ARB2A: variants seen among roughly 807,000 people sequenced by gnomAD.
ARB2A encodes the protein cotranscriptional regulator ARB2A.
the ARB2A span, among the ~76,000 whole-genome samples, chr5:93,747,319 T>C: frequency 1.3e-5 from 2 of 152,150 alleles, no homozygotes; most frequent in Non-Finnish European, 2.9e-5. Context: ...CATCACAAGT[T>C]TGAGGCCTCT....
the ARB2A span, among the ~76,000 whole-genome samples, chr5:94,077,274 G>A: frequency 6.6e-6 from 1 of 151,844 alleles, no homozygotes; most frequent in Non-Finnish European, 1.5e-5. Context: ...TCGGGAGGCT[G>A]AGGCAGGAGA....
the ARB2A span, among the ~76,000 whole-genome samples, chr5:93,831,190 G>C: frequency 6.6e-6 from 1 of 151,312 alleles, no homozygotes; most frequent in African/African-American, 2.4e-5. Flanking sequence ...CCATGGACTG[G>C]TACCCATCTG....
chr5:93,932,505 T>A, the ARB2A span, among the ~76,000 whole-genome samples: 1 of 152,192 alleles, frequency 6.6e-6, no homozygotes, highest in African/African-American at 2.4e-5. Flanking sequence ...CAGAGCTTTA[T>A]CTATAAGTAG....
At chr5:93,849,880 A>G in the ARB2A span, among the ~76,000 whole-genome samples, 1 of 152,194 alleles carries the variant, frequency 6.6e-6, no homozygotes, top group African/African-American at 2.4e-5. Context: ...TTTTCAAGAA[A>G]TCCTAAACCC....
At chr5:93,875,087 G>A in the ARB2A span, among the ~76,000 whole-genome samples, 2 of 152,146 alleles carry the variant, frequency 1.3e-5, no homozygotes, top group African/African-American at 4.8e-5. Context: ...CTCCTGAGTA[G>A]CTGGGACTAT....
chr5:94,093,218 T>C, the ARB2A span, among the ~76,000 whole-genome samples: 1 of 152,182 alleles, frequency 6.6e-6, no homozygotes, highest in East Asian at 1.9e-4. Flanking sequence ...AACCGTGCTC[T>C]ACTAGATCAC....
At chr5:93,992,147 C>T in the ARB2A span, among the ~76,000 whole-genome samples, 1 of 152,000 alleles carries the variant, frequency 6.6e-6, no homozygotes, top group African/African-American at 2.4e-5. Context: ...AATCCCATCA[C>T]CTGGAACTCT....
At chr5:93,730,556 G>A in the ARB2A span, among the ~76,000 whole-genome samples, 1 of 152,058 alleles carries the variant, frequency 6.6e-6, no homozygotes, top group Non-Finnish European at 1.5e-5. Context: ...CTTGGATTTA[G>A]CAATATTATT....
chr5:93,857,284 C>T, the ARB2A span, among the ~76,000 whole-genome samples: 1 of 152,140 alleles, frequency 6.6e-6, no homozygotes, highest in Admixed American at 6.5e-5. Context: ...TCTCAAGTTG[C>T]GTGCTGGGAG....
chr5:93,651,732 A>G, the ARB2A span, among the ~76,000 whole-genome samples: 1 of 152,324 alleles, frequency 6.6e-6, no homozygotes, highest in African/African-American at 2.4e-5. Context: ...TTATAACAAT[A>G]TATTATTTGA....
the ARB2A span, among the ~76,000 whole-genome samples, chr5:93,893,659 A>G: frequency 6.6e-6 from 1 of 152,238 alleles, no homozygotes; most frequent in Non-Finnish European, 1.5e-5. Flanking sequence ...ACTAAAACAA[A>G]GTATGTAATG....
the ARB2A span, among the ~76,000 whole-genome samples, chr5:94,004,786 T>A: frequency 6.6e-6 from 1 of 151,596 alleles, no homozygotes; most frequent in Non-Finnish European, 1.5e-5. Flanking sequence ...AGCAAATCAA[T>A]ATATTACTTG....
chr5:94,072,629 G>A, the ARB2A span, among the ~76,000 whole-genome samples: 1 of 151,942 alleles, frequency 6.6e-6, no homozygotes, highest in Non-Finnish European at 1.5e-5. Flanking sequence ...TAATACATAC[G>A]AACTAAGAGG....
the ARB2A span, among the ~76,000 whole-genome samples, chr5:93,667,525 C>T: frequency 2.5e-4 from 38 of 152,222 alleles, no homozygotes; most frequent in Non-Finnish European, 3.4e-4. Flanking sequence ...GTGTGATCAT[C>T]GTTCACTGCA....
At chr5:93,728,777 ACAGGAAG>A in the ARB2A span, among the ~76,000 whole-genome samples, 1 of 152,180 alleles carries the variant, frequency 6.6e-6, no homozygotes, top group African/African-American at 2.4e-5. Context: ...AAAACCAGTC[ACAGGAAG>A]AATTATTTTT....
the ARB2A span, among the ~76,000 whole-genome samples, chr5:93,798,656 G>C: frequency 9.1e-4 from 138 of 152,184 alleles, no homozygotes; most frequent in African/African-American, 3.0e-3. Flanking sequence ...CAATCCAATT[G>C]CTTTTTGTAT....
the ARB2A span, among the ~76,000 whole-genome samples, chr5:93,745,477 A>C: frequency 6.6e-6 from 1 of 152,134 alleles, no homozygotes; most frequent in South Asian, 2.1e-4. Context: ...AAGTCCATGA[A>C]AACATCTGGA....
chr5:93,745,680 T>A, the ARB2A span, among the ~76,000 whole-genome samples: 40,910 of 151,048 alleles, frequency 0.27, 6,998 homozygotes, highest in African/African-American at 0.48. Flanking sequence ...CAAAAAAAAA[T>A]TTTTTTTCTT....
the ARB2A span, among the ~76,000 whole-genome samples, chr5:94,044,431 C>G: frequency 1.3e-5 from 2 of 152,156 alleles, no homozygotes; most frequent in African/African-American, 4.8e-5. Context: ...CTGAGCTCCT[C>G]TCTACCGCAC....
Sources: allele counts gnomAD v4.1 joint callset (sites outside exome capture counted in the v4.1 genomes callset), GRCh38; gene constraint gnomAD v4.1.1; transcripts MANE v1.5; gene names NCBI Gene and HGNC (gene_info 2026-07-23, HGNC 2026-07-21).